THADA: variants seen among roughly 807,000 people sequenced by gnomAD.
THADA encodes the protein THADA armadillo repeat containing.
In THADA, 213 loss-of-function variants were observed where a neutral mutation model predicts 219.8. That is an observed-to-expected ratio of 0.97 (90% CI 0.87 to 1.09). The LOEUF (loss-of-function observed/expected upper bound fraction) is 1.09. THADA is among the 50% of genes least tolerant of loss of function. THADA has a pLI of 0.00. For missense variants in THADA, 2,956 were observed against 2,311.3 expected (o/e 1.28, Z -5.72); for synonymous variants, 1,018 against 828.9 (o/e 1.23, Z -3.92).
At chr2:43,330,201 G>A (rs1453501989) in intron 30 of THADA, among the ~76,000 whole-genome samples, 1 of 152,192 alleles carries the variant, frequency 6.6e-6, no homozygotes, top group Non-Finnish European at 1.5e-5. Flanking sequence ...TCTCCTTGTG[G>A]TTACCCAGGA....
At chr2:43,321,965 A>C (rs866754408) in intron 30 of THADA, among the ~76,000 whole-genome samples, 29 of 152,108 alleles carry the variant, frequency 1.9e-4, no homozygotes, top group Admixed American at 5.9e-4. Context: ...ATTTCCTTAA[A>C]GTTTATTCAC....
At chr2:43,477,589 T>C (rs1685697256) in intron 26 of THADA, among the ~76,000 whole-genome samples, 4 of 152,230 alleles carry the variant, frequency 2.6e-5, no homozygotes, top group African/African-American at 7.2e-5. Flanking sequence ...TGGTACAGAA[T>C]GCAATCACTT....
chr2:43,493,910 T>C (rs1444833872), intron 25 of THADA, among the ~76,000 whole-genome samples: 2 of 152,152 alleles, frequency 1.3e-5, no homozygotes, highest in Admixed American at 1.3e-4. Context: ...TACAATCAAG[T>C]CTCCACTTTT....
intron 17 of THADA, 173 bp downstream of exon 17, chr2:43,556,172 A>T: frequency 7.6e-7 from 1 of 1,323,566 alleles, no homozygotes; most frequent in East Asian, 2.6e-5. Flanking sequence ...AGAAAAAAGT[A>T]TTATAGCTGA....
At chr2:43,344,383 C>A in intron 29 of THADA, 146 bp from the exon 30 acceptor site, 1 of 595,968 alleles carries the variant, frequency 1.7e-6, no homozygotes, top group South Asian at 2.2e-5. Flanking sequence ...TGCAGAAAGG[C>A]ATGTTGGTTT....
chr2:43,482,870 GT>G (rs1338827943), intron 26 of THADA, among the ~76,000 whole-genome samples: 1 of 152,140 alleles, frequency 6.6e-6, no homozygotes, highest in Non-Finnish European at 1.5e-5. Flanking sequence ...CTAATAGTTT[GT>G]TTTATCCTCA....
In THADA at chr2:43,485,244, T is replaced by G; in HGVS notation, c.3826A>C (p.Lys1276Gln). 1 of 1,611,592 alleles carries G rather than the reference T, an allele frequency of 6.2e-7. No homozygotes were observed. Among genetic ancestry groups the G allele is most frequent in the Non-Finnish European group, 8.5e-7 (1 of 1,178,118 alleles). Reference protein sequence around the residue: ...GVKRAKDEHSKTNRMTGREFF... With the variant: ...GVKRAKDEHSQTNRMTGREFF... The stretch of plus-strand genomic sequence containing the variant: ...TTAAATGGAGCTTACCTATTTGTTT[T>G]GGAATGTTCATCCTTTGCCCTTTTA... Residue 1276 changes from lysine (K) to glutamine (Q), a missense_variant, in exon 26 of 38, where the codon AAA becomes CAA. Physicochemically the swap from Lys to Gln is moderately conservative, Grantham distance 53. Coordinates refer to ENST00000405975, the MANE Select transcript of THADA (RefSeq NM_022065.5).
intron 36 of THADA, among the ~76,000 whole-genome samples, chr2:43,255,565 G>A (rs1670220843): frequency 6.6e-6 from 1 of 152,226 alleles, no homozygotes; most frequent in Non-Finnish European, 1.5e-5. Flanking sequence ...GGGCCCCCCA[G>A]AACTGCTGAG....
At chr2:43,276,048 T>A (rs767693267) in intron 36 of THADA, among the ~76,000 whole-genome samples, 1 of 152,210 alleles carries the variant, frequency 6.6e-6, no homozygotes, top group Non-Finnish European at 1.5e-5. Context: ...AGCTCTTTCC[T>A]GAGCATTTCA....
intron 15 of THADA, chr2:43,565,175 C>G (rs774063565): frequency 6.6e-6 from 1 of 152,134 alleles, no homozygotes; most frequent in African/African-American, 2.4e-5. Flanking sequence ...CGGTGGCTCA[C>G]ACCTGTAATC....
intron 22 of THADA, among the ~76,000 whole-genome samples, chr2:43,526,085 T>G (rs1054197418): frequency 6.6e-6 from 1 of 152,262 alleles, no homozygotes; most frequent in African/African-American, 2.4e-5. Context: ...TCTATTTTAT[T>G]TGATTCATAC....
intron 29 of THADA, among the ~76,000 whole-genome samples, chr2:43,359,018 C>T (rs1302656463): frequency 6.6e-6 from 1 of 152,124 alleles, no homozygotes; most frequent in African/African-American, 2.4e-5. Flanking sequence ...CCCCCTCCAT[C>T]TAGTTTGTTT....
intron 31 of THADA, among the ~76,000 whole-genome samples, chr2:43,316,655 C>T (rs1459072417): frequency 1.3e-5 from 2 of 152,124 alleles, no homozygotes; most frequent in Admixed American, 6.5e-5. Context: ...AGGCTGGGCA[C>T]GGTGGCTCAC....
intron 26 of THADA, among the ~76,000 whole-genome samples, chr2:43,440,238 A>G (rs1288404569): frequency 6.6e-6 from 1 of 151,948 alleles, no homozygotes; most frequent in Admixed American, 6.6e-5. Flanking sequence ...TTTTCACCTA[A>G]TCTGCAAAAT....
In THADA at chr2:43,298,011, G is replaced by GC. The variant is rs1242472581; in HGVS notation, c.4439-4799dup. ...CCGGGAGGGAGTGTGGGGGGGGTCA[G>GC]CCCCCCGGCCCGGCCAGCCGCCCCG... On this transcript the variant is annotated intron_variant, in intron 31 of 37. Transcript: ENST00000405975. 2.7e-5 allele frequency among the ~76,000 whole-genome samples: 3 copies of GC among 111,606 alleles called. 1 individual carries two copies. Among genetic ancestry groups the GC allele is most frequent in the East Asian group, 2.2e-4 (1 of 4,614 alleles). 73.2% of individuals were successfully genotyped at this position (111,606 alleles called of 152,430 possible). A position where few individuals can be genotyped will look rare whatever the true frequency, so the allele number is the denominator to read the frequency against.
chr2:43,257,026 G>A (rs983474396), intron 36 of THADA, among the ~76,000 whole-genome samples: 1 of 152,200 alleles, frequency 6.6e-6, no homozygotes, highest in African/African-American at 2.4e-5. Flanking sequence ...GATGGCAACT[G>A]TCCTTCAAAG....
chr2:43,524,807 G>A (rs1000977827), intron 22 of THADA, among the ~76,000 whole-genome samples: 3 of 152,286 alleles, frequency 2.0e-5, no homozygotes, highest in Admixed American at 2.0e-4. Flanking sequence ...AACTAGATTA[G>A]GAGGGGCTAA....
intron 8 of THADA, among the ~76,000 whole-genome samples, chr2:43,580,634 G>C (rs990799718): frequency 6.6e-6 from 1 of 151,834 alleles, no homozygotes; most frequent in African/African-American, 2.4e-5. Flanking sequence ...AGCCACTTTG[G>C]GAGGCCAAGG....
At chr2:43,592,471 A>G (rs970373234) in intron 1 of THADA, 55 bp from the exon 2 acceptor site, 25 of 1,071,872 alleles carry the variant, frequency 2.3e-5, no homozygotes, top group African/African-American at 4.8e-5. Flanking sequence ...CCTCAGCACT[A>G]TGATTTTTGG....
Sources: allele counts gnomAD v4.1 joint callset (sites outside exome capture counted in the v4.1 genomes callset), GRCh38; gene constraint gnomAD v4.1.1; transcripts MANE v1.5; gene names NCBI Gene and HGNC (gene_info 2026-07-23, HGNC 2026-07-21).